TMEM187: variants seen among roughly 807,000 people sequenced by gnomAD.
TMEM187 encodes the protein chromosome X open reading frame 12.
TMEM187 carries 14 observed loss-of-function variants against 11.8 expected under a neutral mutation model. That is an observed-to-expected ratio of 1.18 (90% confidence interval 0.78 to 1.85). The LOEUF (loss-of-function observed/expected upper bound fraction) is 1.85. TMEM187 is among the 40% of genes most tolerant of loss of function. The pLI is 0.00. For synonymous variants in TMEM187, 112 were observed against 118.5 expected (o/e 0.95, Z 0.36); for missense variants, 227 against 243.9 (o/e 0.93, Z 0.46).
rs187130858 is a variant in TMEM187 at position 153,982,742 on chromosome X, T to C, written c.680T>C (p.Phe227Ser). The change falls in exon 2 of 2, where the codon TTC (phenylalanine) becomes TCC (serine). Residue 227 changes from phenylalanine (F) to serine (S), a missense_variant. Physicochemically the swap from Phe to Ser is radical, Grantham distance 155 (BLOSUM62 -2). Coordinates refer to ENST00000369982, the MANE Select transcript of TMEM187 (RefSeq NM_003492.3). Reference protein sequence around the residue: ...WRLFQCLTGHFWSKVCDVLQF... With the variant: ...WRLFQCLTGHSWSKVCDVLQF... ...CTCTTCCAGTGCCTCACAGGCCACT[T>C]CTGGTCCAAGGTCTGTGACGTGCTC... 8.2e-7 allele frequency: 1 copy of C among 1,212,408 alleles called. No individual in the cohort carries two copies. Among genetic ancestry groups the C allele is most frequent in the Non-Finnish European group, 1.1e-6 (1 of 895,657 alleles).
At chrX:153,980,934 G>T (rs1483248195) in intron 1 of TMEM187, among the ~76,000 whole-genome samples, 13 of 105,226 alleles carry the variant, frequency 1.2e-4, no homozygotes, top group African/African-American at 3.8e-4. Flanking sequence ...AAAAAAAAAA[G>T]GTGCACAAAC....
intron 1 of TMEM187, among the ~76,000 whole-genome samples, chrX:153,979,930 G>T (rs1406643799): frequency 2.8e-5 from 3 of 107,819 alleles, no homozygotes; most frequent in African/African-American, 1.0e-4. Flanking sequence ...GTAGAGACGG[G>T]GTTTCACCGT....
At chrX:153,976,060 T>C (rs1282766364) in intron 1 of TMEM187, among the ~76,000 whole-genome samples, 1 of 111,356 alleles carries the variant, frequency 9.0e-6, no homozygotes, top group East Asian at 2.8e-4. Flanking sequence ...CACATACTTA[T>C]CCAATTTTCC....
In TMEM187 at chrX:153,972,842, G is replaced by A. The variant is rs2065557489; in HGVS notation, c.-232G>A. Reference sequence around the variant, plus strand: ...CGAAATACCCGTATGGTGATAGCTGGCCTTTTCGCGCCAATACTGTAAGTG... The same window carrying A: ...CGAAATACCCGTATGGTGATAGCTGACCTTTTCGCGCCAATACTGTAAGTG... On this transcript the variant is annotated 5_prime_UTR_variant, in exon 1 of 2. Coordinates refer to ENST00000369982, the MANE Select transcript of TMEM187 (RefSeq NM_003492.3). The A allele has an allele frequency of 8.9e-6, 1 of 112,439 alleles. No individual in the cohort carries two copies. Among genetic ancestry groups the A allele is most frequent in the Non-Finnish European group, 1.9e-5 (1 of 52,875 alleles). The allele number at this position is 112,439 out of a possible 1,213,427, so 9.3% of individuals were successfully genotyped here.
At chrX:153,979,886 A>G (rs1374181296) in intron 1 of TMEM187, among the ~76,000 whole-genome samples, 4 of 105,313 alleles carry the variant, frequency 3.8e-5, no homozygotes, top group African/African-American at 6.9e-5. Context: ...ACAGGCGCCC[A>G]CCACCACGCC....
intron 1 of TMEM187, among the ~76,000 whole-genome samples, chrX:153,979,080 G>A (rs2065588678): frequency 8.9e-6 from 1 of 112,193 alleles, no homozygotes; most frequent in East Asian, 2.8e-4. Context: ...GAGCCACCGT[G>A]CCCGGCCTAA....
intron 1 of TMEM187, among the ~76,000 whole-genome samples, chrX:153,977,094 C>A (rs1360202085): frequency 9.0e-6 from 1 of 111,512 alleles, no homozygotes; most frequent in Non-Finnish European, 1.9e-5. Context: ...ATAACAAATA[C>A]AAAATGCCAG....
intron 1 of TMEM187, among the ~76,000 whole-genome samples, chrX:153,977,904 G>T (rs1313429692): frequency 9.4e-6 from 1 of 106,621 alleles, no homozygotes; most frequent in Non-Finnish European, 1.9e-5. Flanking sequence ...TGCAGACAGT[G>T]CAAGATTCCG....
intron 1 of TMEM187, among the ~76,000 whole-genome samples, chrX:153,974,688 G>A (rs933803410): frequency 1.8e-5 from 2 of 112,354 alleles, no homozygotes; most frequent in South Asian, 3.6e-4. Flanking sequence ...CTGGGAGGAC[G>A]GGGCAGGAGG....
intron 1 of TMEM187, among the ~76,000 whole-genome samples, chrX:153,980,241 C>T (rs1348588292): frequency 3.6e-5 from 4 of 109,631 alleles, no homozygotes; most frequent in Non-Finnish European, 7.6e-5. Context: ...TATCCCTGGT[C>T]CCAACTACTT....
Position 153,981,979 on chromosome X carries a change from G to A in TMEM187, c.-84G>A. The A allele has an allele frequency of 8.3e-7, 1 of 1,201,308 alleles. No individual in the cohort carries two copies. The highest frequency in any genetic ancestry group is 3.0e-5 in the East Asian group (1 of 33,599). Reference sequence around the variant, plus strand: ...GGGCTTCTTTCTGCTGGCTCAGCCGGGAGGCCCAGAGTGTTCTGCAGAGGC... The same window carrying A: ...GGGCTTCTTTCTGCTGGCTCAGCCGAGAGGCCCAGAGTGTTCTGCAGAGGC... On this transcript the variant is annotated 5_prime_UTR_variant, in exon 2 of 2. Coordinates refer to ENST00000369982, the MANE Select transcript of TMEM187 (RefSeq NM_003492.3).
At chrX:153,981,119 G>C (rs1187146057) in intron 1 of TMEM187, 3 of 108,888 alleles carry the variant, frequency 2.8e-5, no homozygotes, top group African/African-American at 1.0e-4. Context: ...AGGGAGAAGA[G>C]CTTTAATGAT....
chrX:153,974,697 G>A (rs1249975516), intron 1 of TMEM187, among the ~76,000 whole-genome samples: 2 of 112,361 alleles, frequency 1.8e-5, no homozygotes, highest in African/African-American at 6.5e-5. Context: ...CGGGGCAGGA[G>A]GAGTTCGGGT....
intron 1 of TMEM187, among the ~76,000 whole-genome samples, chrX:153,975,050 C>T (rs1285518176): frequency 8.9e-6 from 1 of 112,226 alleles, no homozygotes; most frequent in Non-Finnish European, 1.9e-5. Flanking sequence ...CCTGTCCCAC[C>T]CATTTGGGGC....
chrX:153,973,875 C>T (rs1369612347), intron 1 of TMEM187, among the ~76,000 whole-genome samples: 1 of 112,093 alleles, frequency 8.9e-6, no homozygotes, highest in Non-Finnish European at 1.9e-5. Context: ...ACAGTGCCTG[C>T]TGTTTAAACG....
intron 1 of TMEM187, among the ~76,000 whole-genome samples, chrX:153,979,944 A>G (rs1186698444): frequency 1.8e-5 from 2 of 108,406 alleles, no homozygotes; most frequent in African/African-American, 6.7e-5. Context: ...TCACCGTGTT[A>G]GCCAGGATGC....
At chrX:153,981,080 C>G (rs1557122346) in intron 1 of TMEM187, 1 of 109,659 alleles carries the variant, frequency 9.1e-6, no homozygotes, top group Non-Finnish European at 1.9e-5. Flanking sequence ...CCCGCCCACC[C>G]TCTTGAGTGC....
At chrX:153,976,404 G>A (rs2065577843) in intron 1 of TMEM187, among the ~76,000 whole-genome samples, 1 of 111,144 alleles carries the variant, frequency 9.0e-6, no homozygotes, top group African/African-American at 3.3e-5. Context: ...GGTGGCAGGC[G>A]CCTATAATCC....
Position 153,981,911 on chromosome X carries a change from G to C in TMEM187, c.-152G>C, listed in dbSNP as rs370520950. The C allele has an allele frequency of 1.1e-4, 114 of 1,022,017 alleles. 2 individuals are homozygous for C. In the South Asian group the frequency reaches 2.2e-3, roughly 20 times the overall value. The allele number at this position is 1,022,017 out of a possible 1,213,427, so 84.2% of individuals were successfully genotyped here. A position where few individuals can be genotyped will look rare whatever the true frequency, so the allele number is the denominator to read the frequency against. ...ATCAGCAGGACTCCTGCCTTCCTTCGGGGCAAGGTCGCAGCATCTGCCTCG... is the reference window on the plus strand; with the variant it reads ...ATCAGCAGGACTCCTGCCTTCCTTCCGGGCAAGGTCGCAGCATCTGCCTCG... On this transcript the variant is annotated 5_prime_UTR_variant, in exon 2 of 2. Coordinates refer to ENST00000369982, the MANE Select transcript of TMEM187 (RefSeq NM_003492.3).
Sources: allele counts gnomAD v4.1 joint callset (sites outside exome capture counted in the v4.1 genomes callset), GRCh38; gene constraint gnomAD v4.1.1; transcripts MANE v1.5; gene names NCBI Gene and HGNC (gene_info 2026-07-23, HGNC 2026-07-21).